The following BTNL8 variants were observed in gnomAD, a reference collection of about 807,000 sequenced individuals.
BTNL8 encodes butyrophilin like 8.
In BTNL8, 22 loss-of-function variants were observed where a neutral mutation model predicts 36.1. The observed-to-expected ratio is 0.61, with a 90% confidence interval of 0.44 to 0.87. The LOEUF is 0.87. BTNL8 is among the 40% of genes least tolerant of loss of function. The probability of loss-of-function intolerance (pLI) is 0.00; values close to 1 mark genes in which losing one functional copy is unlikely to be tolerated. For synonymous variants in BTNL8, 203 were observed against 235.6 expected, an observed-to-expected ratio of 0.86 and a Z score of 1.27; for missense variants, 526 against 616.9, an observed-to-expected ratio of 0.85 and a Z score of 1.56.
At chr5:180,916,077 T>C (rs2113794760) in intron 3 of BTNL8, among the ~76,000 whole-genome samples, 1 of 152,320 alleles carries the variant, frequency 6.6e-6, no homozygotes, top group African/African-American at 2.4e-5. Context: ...GAGGGCCTTC[T>C]AGTTGTGTAA....
chr5:180,940,958 T>G (rs1758902275), intron 3 of BTNL8, among the ~76,000 whole-genome samples: 1 of 151,914 alleles, frequency 6.6e-6, no homozygotes, highest in Non-Finnish European at 1.5e-5. Context: ...CTGGGCTTGG[T>G]GGCATGCACC....
At chr5:180,934,844 T>C (rs1160572134) in intron 3 of BTNL8, among the ~76,000 whole-genome samples, 1 of 152,204 alleles carries the variant, frequency 6.6e-6, no homozygotes, top group Non-Finnish European at 1.5e-5. Context: ...GGGCGGTGTG[T>C]ATCAGCCCTG....
At position 180,909,264 on chromosome 5, in the gene BTNL8, A is replaced by G. The variant is rs539339121; in HGVS notation, c.397+331A>G. On this transcript the variant is annotated intron_variant, in intron 2 of 7. Transcript: ENST00000340184. Reference sequence around the variant, plus strand: ...CTGTAATTTCAAGAATGTTACATACACAGCTTCACACCGCAGGTGACCTTT... The same window carrying G: ...CTGTAATTTCAAGAATGTTACATACGCAGCTTCACACCGCAGGTGACCTTT... Among the ~76,000 whole-genome samples, 3 of 152,322 alleles carry G rather than the reference A, an allele frequency of 2.0e-5. No individual in the cohort carries two copies. The South Asian group carries it at 6.2e-4, about 32-fold the overall frequency.
chr5:180,908,113 G>C (rs1438497200), intron 1 of BTNL8, among the ~76,000 whole-genome samples: 1 of 152,142 alleles, frequency 6.6e-6, no homozygotes, highest in Non-Finnish European at 1.5e-5. Context: ...CCCCAGCCTC[G>C]CTGCTGCCTT....
At chr5:180,907,986 T>C (rs1757176904) in intron 1 of BTNL8, among the ~76,000 whole-genome samples, 1 of 152,132 alleles carries the variant, frequency 6.6e-6, no homozygotes, top group Non-Finnish European at 1.5e-5. Context: ...GTCTGTGCCC[T>C]GCCCCCAGAG....
chr5:180,910,540 T>C (rs1332827521), intron 2 of BTNL8, among the ~76,000 whole-genome samples: 2 of 152,240 alleles, frequency 1.3e-5, no homozygotes, highest in Admixed American at 6.5e-5. Flanking sequence ...AGCTCCATTC[T>C]ATAAAATCCC....
At chr5:180,941,914 T>TTTTTTTTTTTTTTTTTTTTTTTTTTTTG in intron 3 of BTNL8, among the ~76,000 whole-genome samples, 1 of 150,986 alleles carries the variant, frequency 6.6e-6, no homozygotes, top group Non-Finnish European at 1.5e-5. Flanking sequence ...TTACTACTCT[T>TTTTTTTTTTTTTTTTTTTTTTTTTTTTG]ATTCAACAAA....
Position 180,911,563 on chromosome 5 carries a change from A to G in BTNL8, c.622A>G (p.Met208Val). The change falls in exon 3 of 8, where the codon ATG becomes GTG. Residue 208 changes from methionine to valine, a missense_variant. This residue lies in a region of BTNL8 where 350 missense variants were observed against 324.6 expected (regional missense o/e 1.08). Transcript: ENST00000340184. ...QENAGSISCS[M>V]RHAHLSREVE... The stretch of plus-strand genomic sequence containing the variant: ...GAACGCCGGGAGCATATCCTGTTCC[A>G]TGCGGCATGCTCATCTGAGCCGAGA... 6.2e-7 allele frequency: 1 copy of G among 1,614,050 alleles called. No homozygotes were observed. Among genetic ancestry groups the G allele is most frequent in the African/African-American group, 1.3e-5 (1 of 75,000 alleles).
chr5:180,941,914 T>TTTTTTTTTTTTTTTTTTGAGACGG (rs1281454934), intron 3 of BTNL8, among the ~76,000 whole-genome samples: 1 of 150,872 alleles, frequency 6.6e-6, no homozygotes, highest in African/African-American at 2.5e-5. Flanking sequence ...TTACTACTCT[T>TTTTTTTTTTTTTTTTTTGAGACGG]ATTCAACAAA....
intron 3 of BTNL8, among the ~76,000 whole-genome samples, chr5:180,920,366 T>C (rs1353963132): frequency 6.6e-6 from 1 of 152,118 alleles, no homozygotes; most frequent in East Asian, 1.9e-4. Flanking sequence ...CTTTAACAAA[T>C]GGTGTTTGGA....
At chr5:180,927,027 A>G (rs1429746075) in intron 3 of BTNL8, among the ~76,000 whole-genome samples, 1 of 152,184 alleles carries the variant, frequency 6.6e-6, no homozygotes, top group Non-Finnish European at 1.5e-5. Context: ...CTTTTGACTG[A>G]AAGACACCTC....
intron 3 of BTNL8, among the ~76,000 whole-genome samples, chr5:180,937,319 C>T (rs2113844763): frequency 6.6e-6 from 1 of 152,352 alleles, no homozygotes; most frequent in East Asian, 1.9e-4. Context: ...GTGGCCCCAG[C>T]TCCCTGCAAA....
intron 3 of BTNL8, among the ~76,000 whole-genome samples, chr5:180,945,031 A>T (rs1036832883): frequency 6.6e-6 from 1 of 152,230 alleles, no homozygotes; most frequent in African/African-American, 2.4e-5. Context: ...CTTGAGCAAA[A>T]ATAACAAAGT....
At position 180,935,104 on chromosome 5, in the gene BTNL8, T is replaced by C. The variant is rs748822754; in HGVS notation, c.674-12408T>C. 3.9e-5 allele frequency among the ~76,000 whole-genome samples: 6 copies of C among 152,152 alleles called. No individual in the cohort carries two copies. The highest frequency in any genetic ancestry group is 7.2e-5 in the African/African-American group (3 of 41,436). ...GTCTGTCTGAGTCTAGGGGTTTTTA[T>C]GGGCCCAGAAGGAAGGGAGTGCATG... On this transcript the variant is annotated intron_variant, in intron 3 of 7. Transcript: ENST00000340184. This position sits in a 1 kb window ranked among gnomAD's most constrained non-coding sequence, Gnocchi z 4.8.
chr5:180,901,737 T>C (rs1472682402), intron 1 of BTNL8, among the ~76,000 whole-genome samples: 2 of 152,052 alleles, frequency 1.3e-5, no homozygotes, highest in African/African-American at 4.8e-5. Flanking sequence ...TACCAAGAAT[T>C]TTTTTTAAAA....
chr5:180,948,533 T>C, intron 5 of BTNL8, 158 bp downstream of exon 5: 7 of 1,600,820 alleles, frequency 4.4e-6, no homozygotes, highest in Non-Finnish European at 6.0e-6. Context: ...CCACTGCTCA[T>C]GAGTTACCCC....
intron 1 of BTNL8, among the ~76,000 whole-genome samples, chr5:180,902,660 T>C (rs1482965375): frequency 1.3e-5 from 2 of 148,996 alleles, no homozygotes; most frequent in Non-Finnish European, 3.0e-5. Flanking sequence ...TATCTCCCGA[T>C]GCTATCCCTC....
In BTNL8 at chr5:180,911,430, C is replaced by T; in HGVS notation, c.489C>T (p.Pro163=). Residue 163 remains proline (P), a synonymous_variant, in exon 3 of 8, where the codon CCC becomes CCT. Transcript: ENST00000340184. ...AGTCCTCGGGCTGGTTCCCCCGGCCCACAGCGAAGTGGAAAGGTCCACAAG... is the reference window on the plus strand; with the variant it reads ...AGTCCTCGGGCTGGTTCCCCCGGCCTACAGCGAAGTGGAAAGGTCCACAAG... ...LCQSSGWFPR[P]TAKWKGPQGQ... 6.2e-7 allele frequency: 1 copy of T among 1,614,218 alleles called. No individual in the cohort carries two copies. The highest frequency in any genetic ancestry group is 8.5e-7 in the Non-Finnish European group (1 of 1,180,048).
chr5:180,928,751 C>T (rs1253690734), intron 3 of BTNL8, among the ~76,000 whole-genome samples: 1 of 152,128 alleles, frequency 6.6e-6, no homozygotes, highest in Admixed American at 6.5e-5. Context: ...ATCAATGCAA[C>T]AAGAAGAGCT....
Sources: allele counts gnomAD v4.1 joint callset (sites outside exome capture counted in the v4.1 genomes callset), GRCh38; gene constraint gnomAD v4.1.1; regional missense constraint gnomAD v4.1.1; non-coding constraint Gnocchi (gnomAD v3.1); transcripts MANE v1.5; gene names NCBI Gene and HGNC (gene_info 2026-07-23, HGNC 2026-07-21).